Variants in DAB1 observed in about 807,000 individuals in gnomAD.
DAB1 encodes disabled homolog 1.
A neutral mutation model predicts 64.6 loss-of-function variants in DAB1; 15 were observed. That is an observed-to-expected ratio of 0.23 (90% confidence interval 0.16 to 0.36). The LOEUF (loss-of-function observed/expected upper bound fraction) is 0.36, where lower values mean the gene tolerates loss of function less well. Ranked by LOEUF, DAB1 falls within the 10% of genes least tolerant of loss-of-function variation. The pLI is 1.00. For synonymous variants in DAB1, 235 were observed against 251.9 expected (o/e 0.93, Z 0.64); for missense variants, 596 against 706.7 (o/e 0.84, Z 1.78).
intron 6 of DAB1, among the ~76,000 whole-genome samples, chr1:57,743,259 C>T (rs1057322255): frequency 2.0e-5 from 3 of 152,128 alleles, no homozygotes; most frequent in Admixed American, 6.6e-5. Context: ...GACATTCCAC[C>T]ATCGTGATTT....
At chr1:57,109,174 C>A (rs1012936148) in intron 4 of DAB1, among the ~76,000 whole-genome samples, 2 of 152,184 alleles carry the variant, frequency 1.3e-5, no homozygotes, top group Non-Finnish European at 2.9e-5. Context: ...TTTGGAGAAG[C>A]AGGTACCCAG....
At chr1:57,197,273 G>A (rs999290170) in intron 2 of DAB1, among the ~76,000 whole-genome samples, 2 of 151,506 alleles carry the variant, frequency 1.3e-5, no homozygotes, top group African/African-American at 4.9e-5. Flanking sequence ...GAACCCAGGA[G>A]GTAGAGGTTG....
chr1:58,369,626 G>C (rs1254616170), intron 3 of DAB1, among the ~76,000 whole-genome samples: 1 of 152,196 alleles, frequency 6.6e-6, no homozygotes, highest in Non-Finnish European at 1.5e-5. Context: ...GCAAGGAGCT[G>C]TCACATTTCA....
intron 6 of DAB1, among the ~76,000 whole-genome samples, chr1:57,656,748 C>T (rs901626443): frequency 7.2e-5 from 11 of 152,106 alleles, no homozygotes; most frequent in Admixed American, 7.2e-4. Flanking sequence ...GTTTGTTTTA[C>T]CCTAGTTTTT....
At chr1:58,190,920 G>A (rs563309911) in intron 4 of DAB1, among the ~76,000 whole-genome samples, 2 of 152,158 alleles carry the variant, frequency 1.3e-5, no homozygotes, top group Admixed American at 6.5e-5. Flanking sequence ...TCGACTTCCC[G>A]CATGGGTGGA....
intron 4 of DAB1, among the ~76,000 whole-genome samples, chr1:58,203,654 G>A (rs571103966): frequency 1.1e-4 from 16 of 152,270 alleles, no homozygotes; most frequent in African/African-American, 2.9e-4. Flanking sequence ...GGTGGGGCCC[G>A]CATTTCCAAG....
chr1:57,106,290 T>C (rs1040914653), intron 4 of DAB1, among the ~76,000 whole-genome samples: 2 of 143,452 alleles, frequency 1.4e-5, no homozygotes, highest in African/African-American at 2.6e-5. Flanking sequence ...CTGCATTGAA[T>C]GTTTGGGGGG....
intron 7 of DAB1, among the ~76,000 whole-genome samples, chr1:57,553,505 G>GAAGGGAGGAAGGAAGA (rs57000232): frequency 8.3e-6 from 1 of 120,396 alleles, no homozygotes; most frequent in Non-Finnish European, 1.7e-5. Flanking sequence ...AGGAAGGAAG[G>GAAGGGAGGAAGGAAGA]AAGAGAGAGA....
chr1:57,462,629 G>A (rs1347578823), intron 7 of DAB1, among the ~76,000 whole-genome samples: 1 of 152,102 alleles, frequency 6.6e-6, no homozygotes, highest in Admixed American at 6.6e-5. Flanking sequence ...CCCTATGAGA[G>A]GGTCGTACTG....
At chr1:58,239,415 C>T (rs1660191293) in intron 4 of DAB1, among the ~76,000 whole-genome samples, 1 of 152,174 alleles carries the variant, frequency 6.6e-6, no homozygotes, top group African/African-American at 2.4e-5. Flanking sequence ...AATTTCATCC[C>T]TTGAAATCCT....
At chr1:57,261,168 AGCCACCCCACCT>A (rs1299693622) in intron 2 of DAB1, among the ~76,000 whole-genome samples, 2 of 152,022 alleles carry the variant, frequency 1.3e-5, no homozygotes, top group African/African-American at 2.4e-5. Flanking sequence ...TGGAGCCTGC[AGCCACCCCACCT>A]GCCACCCCAA....
chr1:57,552,011 A>G (rs1644919736), intron 7 of DAB1, among the ~76,000 whole-genome samples: 1 of 152,158 alleles, frequency 6.6e-6, no homozygotes, highest in Admixed American at 6.5e-5. Context: ...AATTGAGAAG[A>G]TTCACTCCCT....
chr1:58,055,524 A>AT (rs67787534), intron 5 of DAB1, among the ~76,000 whole-genome samples: 30,191 of 151,280 alleles, frequency 0.2, 3,297 homozygotes, highest in Admixed American at 0.23. Flanking sequence ...TATTTTCTTT[A>AT]TTTGTTGACT....
chr1:58,115,031 A>T lies in DAB1; in HGVS notation n.387+35480T>A, dbSNP rs549092090. Among the ~76,000 whole-genome samples the T allele has an allele frequency of 6.7e-3, 1,016 of 150,996 alleles. 8 individuals carry two copies. The highest frequency in any genetic ancestry group is 0.023 in the African/African-American group (952 of 40,980). ...GAGCTTCTGCACAGCAAAAGAAACT[A>T]CCATCAGAGTGAACAGGCAACCTAC... is the stretch of plus-strand genomic sequence containing the variant. On this transcript the variant is annotated intron_variant and non_coding_transcript_variant, in intron 5 of 20. Coordinates refer to the DAB1 transcript ENST00000485760.
chr1:57,556,819 C>T (rs1644994607), intron 7 of DAB1, among the ~76,000 whole-genome samples: 1 of 152,082 alleles, frequency 6.6e-6, no homozygotes, highest in East Asian at 1.9e-4. Context: ...TTTTTTGTTG[C>T]ATTTGCTTTT....
intron 5 of DAB1, among the ~76,000 whole-genome samples, chr1:57,958,802 T>A (rs1470753423): frequency 6.6e-6 from 1 of 152,314 alleles, no homozygotes; most frequent in Admixed American, 6.5e-5. Flanking sequence ...TCTTCTCACA[T>A]CATCTTCCTT....
intron 3 of DAB1, among the ~76,000 whole-genome samples, chr1:58,469,844 G>A (rs901086572): frequency 6.6e-6 from 1 of 152,050 alleles, no homozygotes; most frequent in Admixed American, 6.6e-5. Context: ...TCCTTGGTGA[G>A]GTAGGAGGAA....
intron 1 of DAB1, among the ~76,000 whole-genome samples, chr1:57,877,551 T>TATAA (rs1292013391): frequency 9.8e-4 from 85 of 87,120 alleles, no homozygotes; most frequent in Non-Finnish European, 9.0e-4. Flanking sequence ...ATTTATTTTT[T>TATAA]TTTTTTTTTT....
intron 14 of DAB1, among the ~76,000 whole-genome samples, chr1:56,999,048 G>A (rs1645743670): frequency 6.6e-6 from 1 of 152,132 alleles, no homozygotes; most frequent in Non-Finnish European, 1.5e-5. Flanking sequence ...AATTAAACGG[G>A]CACAATGAAA....
Sources: gnomAD v4.1 joint callset for allele counts (sites outside exome capture counted in the v4.1 genomes callset) on GRCh38, gnomAD v4.1.1 for gene constraint, MANE v1.5 for transcripts, NCBI Gene and HGNC (gene_info 2026-07-23, HGNC 2026-07-21) for gene names.